Variants in TMEM132D observed in about 807,000 individuals in gnomAD.
TMEM132D encodes the protein mature OL transmembrane protein.
In TMEM132D, 21 loss-of-function variants were observed where a neutral mutation model predicts 62.3. The observed-to-expected ratio is 0.34, with a 90% CI of 0.24 to 0.49. The LOEUF is 0.49. TMEM132D is among the 20% of genes least tolerant of loss of function. The pLI is 0.99. For synonymous variants in TMEM132D, 621 were observed against 575.6 expected (o/e 1.08, Z -1.13); for missense variants, 1,346 against 1,402.8 (o/e 0.96, Z 0.65).
intron 4 of TMEM132D, among the ~76,000 whole-genome samples, chr12:129,313,641 T>C (rs1275974618): frequency 1.3e-5 from 2 of 152,126 alleles, no homozygotes; most frequent in Non-Finnish European, 2.9e-5. Flanking sequence ...TCCACGATTT[T>C]GCAATTGTGA....
intron 1 of TMEM132D, among the ~76,000 whole-genome samples, chr12:129,765,802 G>T (rs1189659442): frequency 1.3e-5 from 2 of 152,136 alleles, no homozygotes; most frequent in African/African-American, 2.4e-5. Context: ...TTTAAACCAT[G>T]TTCATTTTGA....
At position 129,801,933 on chromosome 12, in the gene TMEM132D, T is replaced by C. The variant is rs1228613677; in HGVS notation, c.80-101235A>G. On this transcript the variant is annotated intron_variant, in intron 1 of 8. Coordinates refer to ENST00000422113, the MANE Select transcript of TMEM132D (RefSeq NM_133448.3). ...CGATGCGATCAACTGGAAGAAAGGG[T>C]ATCAGCGATGGAAGATGAAATGAAT... Among the ~76,000 whole-genome samples, 40 of 151,496 alleles carry C rather than the reference T, an allele frequency of 2.6e-4. No individual in the cohort carries two copies. In the East Asian group the frequency reaches 5.8e-3, roughly 22 times the overall value.
chr12:129,106,733 T>C (rs914845701), intron 5 of TMEM132D, among the ~76,000 whole-genome samples: 6 of 152,234 alleles, frequency 3.9e-5, no homozygotes, highest in Non-Finnish European at 5.9e-5. Flanking sequence ...CTCTGGCCAA[T>C]GACGTGGGAG....
chr12:129,230,213 T>C (rs1879596765), intron 4 of TMEM132D, among the ~76,000 whole-genome samples: 2 of 152,284 alleles, frequency 1.3e-5, no homozygotes, highest in East Asian at 3.9e-4. Context: ...CAGTCTCTGC[T>C]ACTTCCCCAG....
chr12:129,849,656 A>AGG (rs1267575586), intron 1 of TMEM132D, among the ~76,000 whole-genome samples: 3 of 152,354 alleles, frequency 2.0e-5, no homozygotes, highest in African/African-American at 7.2e-5. Context: ...TGAGGAAAGC[A>AGG]GGGGAGAGAA....
At chr12:129,251,274 A>T (rs1221874119) in intron 4 of TMEM132D, among the ~76,000 whole-genome samples, 1 of 150,222 alleles carries the variant, frequency 6.7e-6, no homozygotes, top group African/African-American at 2.5e-5. Context: ...CAGGAGAATC[A>T]CTTGAATCCA....
At chr12:129,077,548 CACACACAT>C (rs1874303475) in intron 8 of TMEM132D, among the ~76,000 whole-genome samples, 1 of 152,116 alleles carries the variant, frequency 6.6e-6, no homozygotes, top group African/African-American at 2.4e-5. Flanking sequence ...ACACATGCAT[CACACACAT>C]ACACACAACA....
intron 2 of TMEM132D, among the ~76,000 whole-genome samples, chr12:129,532,644 T>A (rs529317235): frequency 5.3e-5 from 8 of 152,306 alleles, no homozygotes; most frequent in African/African-American, 1.9e-4. Flanking sequence ...CCCTCCCTTT[T>A]CATGGTCAGA....
chr12:129,230,294 C>T (rs1213859122), intron 4 of TMEM132D, among the ~76,000 whole-genome samples: 2 of 147,878 alleles, frequency 1.4e-5, no homozygotes, highest in Non-Finnish European at 3.0e-5. Context: ...TTCCTAAACT[C>T]CTTCTGTGTT....
intron 2 of TMEM132D, among the ~76,000 whole-genome samples, chr12:129,549,511 T>C (rs1876832192): frequency 6.6e-6 from 1 of 152,244 alleles, no homozygotes; most frequent in African/African-American, 2.4e-5. Flanking sequence ...TCTCATTCTT[T>C]CTTGCCTGAC....
At chr12:129,380,568 T>C (rs10847847) in intron 3 of TMEM132D, among the ~76,000 whole-genome samples, 22 of 136,800 alleles carry the variant, frequency 1.6e-4, no homozygotes, top group Non-Finnish European at 2.7e-4. Context: ...TGTGTGTGTG[T>C]GCGTGTGTGT....
At chr12:129,623,352 G>A (rs926539822) in intron 2 of TMEM132D, among the ~76,000 whole-genome samples, 1 of 152,092 alleles carries the variant, frequency 6.6e-6, no homozygotes, top group Non-Finnish European at 1.5e-5. Context: ...ATATAGTGGT[G>A]AAGGCTGGGC....
At chr12:129,075,883 C>A (rs978612983) in intron 8 of TMEM132D, among the ~76,000 whole-genome samples, 1 of 152,202 alleles carries the variant, frequency 6.6e-6, no homozygotes, top group African/African-American at 2.4e-5. Context: ...GTGAAGATGA[C>A]ATTATGCTTG....
intron 1 of TMEM132D, among the ~76,000 whole-genome samples, chr12:129,845,653 A>C (rs2137348235): frequency 6.6e-6 from 1 of 152,348 alleles, no homozygotes; most frequent in South Asian, 2.1e-4. Flanking sequence ...TCAAAGCAAA[A>C]TCACTATTAT....
At chr12:129,112,508 A>G (rs1187118228) in intron 5 of TMEM132D, among the ~76,000 whole-genome samples, 1 of 152,190 alleles carries the variant, frequency 6.6e-6, no homozygotes, top group Admixed American at 6.5e-5. Context: ...CTAAAAATAT[A>G]AAAAATTAGC....
rs535239180 is a variant in TMEM132D at position 129,446,161 on chromosome 12, G to A, written c.1115+84898C>T. 2.2e-4 allele frequency among the ~76,000 whole-genome samples: 34 copies of A among 152,288 alleles called. 1 individual carries two copies. The South Asian group carries it at 7.0e-3, about 32-fold the overall frequency. ...GCAGCTGGTGGATGTAGGGGGATTT[G>A]AGAACCAGAATACTGAGCTGGTGGA... On this transcript the variant is annotated intron_variant, in intron 3 of 8. Transcript: ENST00000422113.
chr12:129,346,393 G>A (rs1188848003), intron 3 of TMEM132D, among the ~76,000 whole-genome samples: 1 of 151,922 alleles, frequency 6.6e-6, no homozygotes. Flanking sequence ...CCACCTCCTG[G>A]GTTCATTGAT....
chr12:129,265,572 G>A (rs912171804), intron 4 of TMEM132D, among the ~76,000 whole-genome samples: 31 of 152,180 alleles, frequency 2.0e-4, no homozygotes, highest in African/African-American at 7.0e-4. Context: ...GGCTGCGCAC[G>A]GAGGGTCCTG....
At chr12:129,807,550 C>G (rs1872033467) in intron 1 of TMEM132D, among the ~76,000 whole-genome samples, 1 of 152,188 alleles carries the variant, frequency 6.6e-6, no homozygotes. Flanking sequence ...CTCTAAGATG[C>G]TCATGTATAA....
Sources: allele counts gnomAD v4.1 joint callset (sites outside exome capture counted in the v4.1 genomes callset), GRCh38; gene constraint gnomAD v4.1.1; transcripts MANE v1.5; gene names NCBI Gene and HGNC (gene_info 2026-07-23, HGNC 2026-07-21).